The following GABRG3 variants were observed in gnomAD, a reference collection of about 807,000 sequenced individuals.
GABRG3 encodes gamma-aminobutyric acid receptor subunit gamma-3.
A neutral mutation model predicts 48.8 loss-of-function variants in GABRG3; 25 were observed. That is an observed-to-expected ratio of 0.51 (90% CI 0.37 to 0.72). The LOEUF (loss-of-function observed/expected upper bound fraction) is 0.72, where lower values mean the gene tolerates loss of function less well. Among genes scored for constraint, GABRG3 ranks in the 30% least tolerant of loss-of-function variants. The pLI is 0.00. For missense variants in GABRG3, 394 were observed against 577.9 expected, an observed-to-expected ratio of 0.68 and a Z score of 3.26; for synonymous variants, 227 against 217.6, an observed-to-expected ratio of 1.04 and a Z score of -0.38.
chr15:27,211,978 G>A (rs1889095568), intron 3 of GABRG3, among the ~76,000 whole-genome samples: 2 of 152,156 alleles, frequency 1.3e-5, no homozygotes, highest in South Asian at 4.1e-4. Flanking sequence ...CCTGGAGGCC[G>A]ACCCAGCTAC....
At chr15:27,255,178 C>T (rs74004756) in intron 3 of GABRG3, among the ~76,000 whole-genome samples, 16,079 of 152,258 alleles carry the variant, frequency 0.11, 983 homozygotes, top group African/African-American at 0.15. Context: ...GCACTCCTCC[C>T]CACAGGGCTC....
intron 3 of GABRG3, among the ~76,000 whole-genome samples, chr15:27,078,678 T>G (rs1380779666): frequency 6.6e-6 from 1 of 152,064 alleles, no homozygotes; most frequent in Non-Finnish European, 1.5e-5. Context: ...ATAATAAGAG[T>G]GTCTTCTTGA....
rs1224767738 is a variant in GABRG3 at position 27,352,238 on chromosome 15, G to A, written c.574+23350G>A. Among the ~76,000 whole-genome samples the A allele has an allele frequency of 1.3e-5, 2 of 151,722 alleles. No homozygotes were observed. Among genetic ancestry groups the A allele is most frequent in the Non-Finnish European group, 2.9e-5 (2 of 67,954 alleles). The stretch of plus-strand genomic sequence containing the variant: ...GCGTGGCAGTGTAGGGATTCTGCCA[G>A]ACCGTTCAGCTAATCTCCGTCTCGC... On this transcript the variant is annotated intron_variant, in intron 5 of 9. Transcript: ENST00000615808. This position sits in a 1 kb window ranked among gnomAD's most constrained non-coding sequence, Gnocchi z 4.0.
At chr15:27,025,197 T>C (rs923778326) in intron 2 of GABRG3, among the ~76,000 whole-genome samples, 1 of 152,160 alleles carries the variant, frequency 6.6e-6, no homozygotes, top group African/African-American at 2.4e-5. Context: ...TAAGGCTTTA[T>C]GTTTGTTGGT....
At chr15:27,495,863 G>A (rs1231274134) in intron 6 of GABRG3, among the ~76,000 whole-genome samples, 5 of 152,152 alleles carry the variant, frequency 3.3e-5, no homozygotes, top group Non-Finnish European at 7.4e-5. Context: ...TCTATGTTTA[G>A]CAAACTGTTT....
intron 2 of GABRG3, among the ~76,000 whole-genome samples, chr15:26,979,433 C>T (rs909961307): frequency 3.3e-5 from 5 of 152,136 alleles, no homozygotes; most frequent in Non-Finnish European, 5.9e-5. Context: ...ATCTTAGGGG[C>T]AAAGCCTTCA....
rs193012553 is a variant in GABRG3 at position 27,467,497 on chromosome 15, C to A, written c.575-13153C>A. Among the ~76,000 whole-genome samples the A allele has an allele frequency of 9.2e-5, 14 of 152,320 alleles. No individual in the cohort carries two copies. In the South Asian group the frequency reaches 2.9e-3, roughly 32 times the overall value. Reference sequence around the variant, plus strand: ...AAGGTCTTGAATTACTTAATGGGATCGTAGTCTTACAGCTTGTGAGTACAG... The same window carrying A: ...AAGGTCTTGAATTACTTAATGGGATAGTAGTCTTACAGCTTGTGAGTACAG... On this transcript the variant is annotated intron_variant, in intron 5 of 9. Transcript: ENST00000615808.
chr15:27,302,440 C>T (rs62001303), intron 3 of GABRG3, among the ~76,000 whole-genome samples: 90,489 of 151,800 alleles, frequency 0.6, 27,998 homozygotes, highest in African/African-American at 0.69. Context: ...CAAGAAGATA[C>T]GAGTTCTAAA....
At chr15:27,361,653 A>C (rs115274839) in intron 5 of GABRG3, among the ~76,000 whole-genome samples, 28 of 152,320 alleles carry the variant, frequency 1.8e-4, no homozygotes, top group African/African-American at 6.5e-4. Context: ...GCATAAGCAC[A>C]CTAACATTTA....
At chr15:27,210,287 A>T (rs1889031718) in intron 3 of GABRG3, among the ~76,000 whole-genome samples, 1 of 152,228 alleles carries the variant, frequency 6.6e-6, no homozygotes, top group South Asian at 2.1e-4. Flanking sequence ...TTCAGACCAC[A>T]TGCACAGTCT....
intron 3 of GABRG3, among the ~76,000 whole-genome samples, chr15:27,067,608 C>A (rs1427205481): frequency 6.6e-6 from 1 of 152,212 alleles, no homozygotes; most frequent in Admixed American, 6.5e-5. Context: ...AGACCGCATC[C>A]TTAGCTTTTC....
At chr15:27,254,205 C>T (rs538833060) in intron 3 of GABRG3, among the ~76,000 whole-genome samples, 34 of 152,260 alleles carry the variant, frequency 2.2e-4, no homozygotes, top group Admixed American at 5.9e-4. Flanking sequence ...AACAGGCGCC[C>T]CTGGAGATAT....
chr15:27,161,624 G>T (rs1357104107), intron 3 of GABRG3, among the ~76,000 whole-genome samples: 1 of 151,982 alleles, frequency 6.6e-6, no homozygotes, highest in African/African-American at 2.4e-5. Flanking sequence ...ATTTGTATTT[G>T]CTTTTTTCTT....
rs1000471908 is a variant in GABRG3, at chr15:27,541,522, A to G, written c.*8641A>G. The G allele has an allele frequency of 6.6e-6, 1 of 152,280 alleles. No individual in the cohort carries two copies. The highest frequency in any genetic ancestry group is 1.5e-5 in the Non-Finnish European group (1 of 68,082). 9.4% of individuals were successfully genotyped at this position (152,280 alleles called of 1,614,324 possible). On this transcript the variant is annotated 3_prime_UTR_variant, in exon 10 of 10. Coordinates refer to ENST00000615808, the MANE Select transcript of GABRG3 (RefSeq NM_033223.5). ...AGCCATTGTCCTCCAGATGGGAGGT[A>G]GGCCGGGAGATTCCAGAATCCGAAA...
intron 6 of GABRG3, among the ~76,000 whole-genome samples, chr15:27,511,038 C>T (rs187130335): frequency 6.6e-6 from 1 of 152,100 alleles, no homozygotes; most frequent in Admixed American, 6.5e-5. Context: ...TTTTACCACA[C>T]ATTCCTCTCT....
intron 3 of GABRG3, among the ~76,000 whole-genome samples, chr15:27,267,618 G>A (rs906329486): frequency 6.6e-6 from 1 of 152,040 alleles, no homozygotes; most frequent in African/African-American, 2.4e-5. Context: ...AGAATTTTTT[G>A]TAAAGAGGGG....
At chr15:27,064,184 G>A (rs1896698677) in intron 3 of GABRG3, among the ~76,000 whole-genome samples, 1 of 152,208 alleles carries the variant, frequency 6.6e-6, no homozygotes, top group Non-Finnish European at 1.5e-5. Context: ...CCCCAGGAGG[G>A]CGCAGGGTGG....
At chr15:27,017,607 C>G (rs1264555645) in intron 2 of GABRG3, among the ~76,000 whole-genome samples, 1 of 152,212 alleles carries the variant, frequency 6.6e-6, no homozygotes, top group Non-Finnish European at 1.5e-5. Context: ...TCTTTTCTTT[C>G]TTTCCTCAGG....
intron 2 of GABRG3, among the ~76,000 whole-genome samples, chr15:27,002,594 G>A (rs193160228): frequency 3.3e-5 from 5 of 151,808 alleles, no homozygotes; most frequent in East Asian, 3.9e-4. Flanking sequence ...TGGGATGTGC[G>A]GAATAGTATA....
Sources: gnomAD v4.1 joint callset for allele counts (sites outside exome capture counted in the v4.1 genomes callset) on GRCh38, gnomAD v4.1.1 for gene constraint, Gnocchi (gnomAD v3.1) non-coding constraint, MANE v1.5 for transcripts, NCBI Gene and HGNC (gene_info 2026-07-23, HGNC 2026-07-21) for gene names.